Variants in MYO7A observed in about 807,000 individuals in gnomAD.
MYO7A encodes myosin VIIA.
A neutral mutation model predicts 263.8 loss-of-function variants in MYO7A; 210 were observed. That is an observed-to-expected ratio of 0.80 (90% CI 0.71 to 0.89). MYO7A has a LOEUF of 0.89. Ranked by LOEUF, MYO7A falls within the 40% of genes least tolerant of loss-of-function variation. The pLI is 0.00. For missense variants in MYO7A, 2,820 were observed against 2,968.3 expected, an observed-to-expected ratio of 0.95 and a Z score of 1.16; for synonymous variants, 1,239 against 1,197.3, an observed-to-expected ratio of 1.03 and a Z score of -0.72.
At chr11:77,142,103 A>C (rs938191416) in intron 2 of MYO7A, among the ~76,000 whole-genome samples, 2 of 152,196 alleles carry the variant, frequency 1.3e-5, no homozygotes, top group African/African-American at 4.8e-5. Flanking sequence ...TTGCTGAATG[A>C]GTAGTGCGAG....
At chr11:77,177,812 A>G (rs1043873812) in intron 19 of MYO7A, among the ~76,000 whole-genome samples, 169 bp downstream of exon 19, 1 of 152,182 alleles carries the variant, frequency 6.6e-6, no homozygotes, top group South Asian at 2.1e-4. Flanking sequence ...AACACAGAGG[A>G]ACATAGATAC....
intron 47 of MYO7A, 21 bp from the exon 48 acceptor site, chr11:77,213,839 A>T (rs549891292): frequency 6.2e-7 from 1 of 1,613,804 alleles, no homozygotes; most frequent in Non-Finnish European, 8.5e-7. Flanking sequence ...GTGCCTCTCT[A>T]TGCCCTTTCT....
chr11:77,139,862 C>A (rs934175348), intron 2 of MYO7A, among the ~76,000 whole-genome samples: 20 of 152,306 alleles, frequency 1.3e-4, no homozygotes, highest in African/African-American at 4.8e-4. Flanking sequence ...ATCCTTACAA[C>A]CTGCCTGCCT....
chr11:77,172,541 C>T (rs1555076704), intron 15 of MYO7A, among the ~76,000 whole-genome samples: 1 of 152,154 alleles, frequency 6.6e-6, no homozygotes, highest in East Asian at 1.9e-4. Flanking sequence ...CTTTGGAAGT[C>T]CTGGGAGGCT....
At chr11:77,196,028 T>C (rs1430644466) in intron 32 of MYO7A, among the ~76,000 whole-genome samples, 1 of 152,234 alleles carries the variant, frequency 6.6e-6, no homozygotes, top group African/African-American at 2.4e-5. Flanking sequence ...ACGGGACATA[T>C]TGGATTACAG....
At chr11:77,190,599 G>C (rs1955986805) in intron 29 of MYO7A, 98 bp from the exon 30 acceptor site, 2 of 1,364,258 alleles carry the variant, frequency 1.5e-6, no homozygotes, top group Non-Finnish European at 2.0e-6. Context: ...GGGGTGCTGG[G>C]GCACCTCCAA....
At chr11:77,153,177 C>A (rs782711412) in intron 4 of MYO7A, among the ~76,000 whole-genome samples, 1 of 151,930 alleles carries the variant, frequency 6.6e-6, no homozygotes, top group Non-Finnish European at 1.5e-5. Flanking sequence ...TGGGGAGGCA[C>A]CTGCAGTGGG....
chr11:77,205,644 A>G, intron 40 of MYO7A, 27 bp downstream of exon 40: 1 of 1,612,080 alleles, frequency 6.2e-7, no homozygotes. Flanking sequence ...GGGCAGGGAC[A>G]GACACTGGGG....
Position 77,162,259 on chromosome 11 carries a change from G to A in MYO7A, c.1483G>A (p.Ala495Thr). The change falls in exon 13 of 49, where the codon GCC (alanine) becomes ACC (threonine). Residue 495 changes from alanine (A) to threonine (T), a missense_variant. Physicochemically the swap from Ala to Thr is moderately conservative, Grantham distance 58. Coordinates refer to ENST00000409709, the MANE Select transcript of MYO7A (RefSeq NM_000260.4). ...LHIEFTDNQD[A>T]LDMIANKPMN... Reference sequence around the variant, plus strand: ...CATCGAGTTCACTGACAACCAGGATGCCCTGGACATGATTGCCAACAAGCC... The same window carrying A: ...CATCGAGTTCACTGACAACCAGGATACCCTGGACATGATTGCCAACAAGCC... 1 of 1,557,258 alleles carries A rather than the reference G, an allele frequency of 6.4e-7. No individual in the cohort carries two copies. The highest frequency in any genetic ancestry group is 8.7e-7 in the Non-Finnish European group (1 of 1,149,920).
rs1555045769 is a variant in MYO7A, at chr11:77,130,586, C to T, written c.-46-3C>T. The T allele has an allele frequency of 6.2e-7, 1 of 1,608,666 alleles. No homozygotes were observed. The highest frequency in any genetic ancestry group is 8.5e-7 in the Non-Finnish European group (1 of 1,177,252). On this transcript the variant is annotated splice_polypyrimidine_tract_variant and splice_region_variant and intron_variant, in intron 1 of 48. Coordinates refer to ENST00000409709, the MANE Select transcript of MYO7A (RefSeq NM_000260.4). Reference sequence around the variant, plus strand: ...AAGCATGACATGGTCTCTCTCCCTGCAGAACTGTGCCTGGCCCAGTGGGCA... The same window carrying T: ...AAGCATGACATGGTCTCTCTCCCTGTAGAACTGTGCCTGGCCCAGTGGGCA...
At chr11:77,192,301 C>G in intron 31 of MYO7A, 23 bp downstream of exon 31, 1 of 1,608,394 alleles carries the variant, frequency 6.2e-7, no homozygotes, top group Non-Finnish European at 8.5e-7. Flanking sequence ...GAATCTTCCG[C>G]CAGGCTGGCT....
At chr11:77,181,648 C>T in intron 23 of MYO7A, 59 bp downstream of exon 23, 1 of 1,523,758 alleles carries the variant, frequency 6.6e-7, no homozygotes. Flanking sequence ...GTTGATCCTC[C>T]CTCCTTCTGT....
chr11:77,204,081 C>T lies in MYO7A; in HGVS notation c.5332C>T (p.Leu1778Phe). The T allele has an allele frequency of 6.2e-7, 1 of 1,600,186 alleles. No individual in the cohort carries two copies. The highest frequency in any genetic ancestry group is 1.1e-5 in the South Asian group (1 of 88,122). ...CCTTCCTTGACAGTCCCCAGCTGTG[C>T]TCAAGTACATGGGCGACTACCCGTC... ...QEACLAFIAVLKYMGDYPSKR... is the reference protein window; with the variant it reads ...QEACLAFIAVFKYMGDYPSKR... Residue 1778 changes from leucine to phenylalanine, a missense_variant, in exon 39 of 49, where the codon CTC (leucine) becomes TTC (phenylalanine). Transcript: ENST00000409709.
intron 2 of MYO7A, among the ~76,000 whole-genome samples, chr11:77,131,415 C>CGT (rs782627826): frequency 6.5e-4 from 99 of 152,208 alleles, no homozygotes; most frequent in South Asian, 3.1e-3. Context: ...AGTGCGTGCG[C>CGT]GTGTGTGTGT....
chr11:77,194,625 G>T, intron 32 of MYO7A, 101 bp downstream of exon 32: 3 of 1,278,720 alleles, frequency 2.3e-6, no homozygotes, highest in South Asian at 3.1e-5. Context: ...TGCGGGGGAT[G>T]GGATGGCACC....
In MYO7A at chr11:77,160,957, G is replaced by T; in HGVS notation, c.1201-16G>T. 1 of 1,585,552 alleles carries T rather than the reference G, an allele frequency of 6.3e-7. No individual in the cohort carries two copies. The highest frequency in any genetic ancestry group is 1.1e-5 in the South Asian group (1 of 87,012). On this transcript the variant is annotated splice_polypyrimidine_tract_variant and intron_variant, in intron 11 of 48. Coordinates refer to ENST00000409709, the MANE Select transcript of MYO7A (RefSeq NM_000260.4). The stretch of plus-strand genomic sequence containing the variant: ...GAGGGTGTGGCTGGTGCCAGTGGCT[G>T]ATCACTGCCTTTCAGGGGATCTACG...
At chr11:77,206,233 G>A (rs746325217) in intron 41 of MYO7A, 31 bp downstream of exon 41, 6 of 1,552,562 alleles carry the variant, frequency 3.9e-6, no homozygotes, top group Non-Finnish European at 4.4e-6. Context: ...GGTCTGCAGT[G>A]CCCAGGACAG....
chr11:77,163,800 C>A (rs7951731), intron 14 of MYO7A, among the ~76,000 whole-genome samples: 152,276 of 152,280 alleles, frequency 1, 76,136 homozygotes, highest in Middle Eastern at 1. Context: ...GTGGATAAAC[C>A]TTTTGTTTAT....
Position 77,203,023 on chromosome 11 carries a change from C to T in MYO7A, c.5169-37C>T, listed in dbSNP as rs866824640. ...GGGGGTTTCTCCCCGGGGCTGCCAG[C>T]GATGGGGCGTTGCTGACGGTCCCTG... On this transcript the variant is annotated intron_variant, in intron 37 of 48. Coordinates refer to ENST00000409709, the MANE Select transcript of MYO7A (RefSeq NM_000260.4). 80 of 1,540,888 alleles carry T rather than the reference C, an allele frequency of 5.2e-5. No individual in the cohort carries two copies. The Middle Eastern group carries it at 6.9e-4, about 13-fold the overall frequency.
Sources: allele counts gnomAD v4.1 joint callset (sites outside exome capture counted in the v4.1 genomes callset), GRCh38; gene constraint gnomAD v4.1.1; transcripts MANE v1.5; gene names NCBI Gene and HGNC (gene_info 2026-07-23, HGNC 2026-07-21).